SLC41A2: variants seen among roughly 807,000 people sequenced by gnomAD.
The protein encoded by SLC41A2 is solute carrier family 41 member 2.
SLC41A2 carries 32 observed loss-of-function variants against 58.3 expected under a neutral mutation model. The observed-to-expected ratio is 0.55, with a 90% CI of 0.41 to 0.74. The LOEUF (loss-of-function observed/expected upper bound fraction) is 0.74, where lower values mean the gene tolerates loss of function less well. SLC41A2 is among the 30% of genes least tolerant of loss of function. SLC41A2 has a pLI of 0.00. For synonymous variants in SLC41A2, 190 were observed against 235.0 expected, an observed-to-expected ratio of 0.81 and a Z score of 1.75; for missense variants, 514 against 680.6, an observed-to-expected ratio of 0.76 and a Z score of 2.72.
rs1379674948 is a variant in SLC41A2, at chr12:104,803,847, C to G, written c.*1305G>C. On this transcript the variant is annotated 3_prime_UTR_variant, in exon 11 of 11. Coordinates refer to ENST00000258538, the MANE Select transcript of SLC41A2 (RefSeq NM_001352171.3). Reference sequence around the variant, plus strand: ...AATAATTGAGGTAACCCACCAACTTCTTTTTTAAAAGCGTAAGTCAACGGG... The same window carrying G: ...AATAATTGAGGTAACCCACCAACTTGTTTTTTAAAAGCGTAAGTCAACGGG... 1 of 152,020 alleles carries G rather than the reference C, an allele frequency of 6.6e-6. No individual in the cohort carries two copies. The highest frequency in any genetic ancestry group is 1.5e-5 in the Non-Finnish European group (1 of 68,008). The allele number at this position is 152,020 out of a possible 1,614,324, so 9.4% of individuals were successfully genotyped here. A position where few individuals can be genotyped will look rare whatever the true frequency, so the allele number is the denominator to read the frequency against.
intron 10 of SLC41A2, among the ~76,000 whole-genome samples, chr12:104,828,200 A>C (rs1426929849): frequency 1.3e-5 from 2 of 152,184 alleles, no homozygotes; most frequent in African/African-American, 2.4e-5. Context: ...GCATGCTGGC[A>C]GGCCATCGAC....
At chr12:104,946,964 C>T (rs1325451617) in intron 1 of SLC41A2, among the ~76,000 whole-genome samples, 1 of 152,162 alleles carries the variant, frequency 6.6e-6, no homozygotes, top group Non-Finnish European at 1.5e-5. Context: ...ATCTCCTTCA[C>T]TGGTTTATGG....
intron 2 of SLC41A2, among the ~76,000 whole-genome samples, chr12:104,927,154 AT>A (rs2046876267): frequency 6.6e-6 from 1 of 152,162 alleles, no homozygotes; most frequent in Admixed American, 6.5e-5. Context: ...ATTGATACAA[AT>A]TTTTTGGAAT....
At chr12:104,826,460 G>C (rs1219261807) in intron 10 of SLC41A2, among the ~76,000 whole-genome samples, 2 of 152,168 alleles carry the variant, frequency 1.3e-5, no homozygotes, top group East Asian at 3.9e-4. Flanking sequence ...TCTCAGGAAG[G>C]CTGCAAGTGG....
chr12:104,956,679 CAAATAAATAAAT>C (rs150289339), intron 1 of SLC41A2, among the ~76,000 whole-genome samples: 2 of 151,058 alleles, frequency 1.3e-5, no homozygotes, highest in African/African-American at 2.4e-5. Flanking sequence ...AGTCAGTCTC[CAAATAAATAAAT>C]AAATAAATAA....
intron 1 of SLC41A2, among the ~76,000 whole-genome samples, chr12:104,940,657 C>G (rs1176611703): frequency 2.7e-5 from 4 of 150,690 alleles, no homozygotes; most frequent in Non-Finnish European, 5.9e-5. Context: ...GTAGTTCACA[C>G]CTATAATCCC....
intron 1 of SLC41A2, among the ~76,000 whole-genome samples, chr12:104,948,506 T>C (rs1312479737): frequency 1.3e-5 from 2 of 152,006 alleles, no homozygotes; most frequent in Non-Finnish European, 2.9e-5. Context: ...TTATCTTTTG[T>C]AAAAAAAACC....
chr12:104,826,508 C>G (rs545723093), intron 10 of SLC41A2, among the ~76,000 whole-genome samples: 1 of 152,104 alleles, frequency 6.6e-6, no homozygotes. Flanking sequence ...CCCAGAGGCA[C>G]CCCCAGCAGA....
At chr12:104,915,733 C>G (rs1300042702) in intron 2 of SLC41A2, among the ~76,000 whole-genome samples, 2 of 152,136 alleles carry the variant, frequency 1.3e-5, no homozygotes, top group Non-Finnish European at 2.9e-5. Flanking sequence ...AATTTGACTT[C>G]CTCTTTTCCT....
intron 4 of SLC41A2, among the ~76,000 whole-genome samples, chr12:104,893,204 G>A (rs1168816125): frequency 1.3e-5 from 2 of 152,076 alleles, no homozygotes; most frequent in Non-Finnish European, 2.9e-5. Flanking sequence ...GATCTGAATA[G>A]GCATTTCTCA....
intron 1 of SLC41A2, among the ~76,000 whole-genome samples, chr12:104,947,005 T>A (rs530294449): frequency 6.6e-6 from 1 of 152,126 alleles, no homozygotes; most frequent in Non-Finnish European, 1.5e-5. Flanking sequence ...ACATATAAAG[T>A]GCTTAGAACA....
chr12:104,844,014 A>C (rs1485577544), intron 10 of SLC41A2, among the ~76,000 whole-genome samples: 2 of 152,168 alleles, frequency 1.3e-5, no homozygotes, highest in Non-Finnish European at 2.9e-5. Context: ...GATAAATGTT[A>C]TCTCTTCAAA....
chr12:104,861,210 CCCTAAGACTTCTAATAGTA>C lies in SLC41A2; in HGVS notation c.1255+62_1255+80del. 7 of 997,024 alleles carry C rather than the reference CCCTAAGACTTCTAATAGTA, an allele frequency of 7.0e-6. No homozygotes were observed. In the South Asian group the frequency reaches 1.0e-4, roughly 14 times the overall value. 61.8% of individuals were successfully genotyped at this position (997,024 alleles called of 1,614,324 possible). ...GGAGGACAGACCTCTTGAATCTGAGCCCTAAGACTTCTAATAGTACCTAAGACTAAGAGGATACGAAGAT... is the reference window on the plus strand; with the variant it reads ...GGAGGACAGACCTCTTGAATCTGAGCCCTAAGACTAAGAGGATACGAAGAT... On this transcript the variant is annotated intron_variant, in intron 8 of 10. Transcript: ENST00000258538.
chr12:104,857,338 T>G (rs542751870), intron 8 of SLC41A2, among the ~76,000 whole-genome samples: 1 of 152,194 alleles, frequency 6.6e-6, no homozygotes, highest in Non-Finnish European at 1.5e-5. Flanking sequence ...TATGTTAGCA[T>G]GATAAAGGCT....
At chr12:104,921,380 G>GAA (rs1437353218) in intron 2 of SLC41A2, among the ~76,000 whole-genome samples, 1 of 151,472 alleles carries the variant, frequency 6.6e-6, no homozygotes, top group Non-Finnish European at 1.5e-5. Context: ...AGCAGCAAGA[G>GAA]AAAAAGAAGA....
rs74922074 is a variant in SLC41A2 at position 104,832,370 on chromosome 12, G to A, written c.1536+12102C>T. ...TGCAGAGTTATTAAGCCAATTCAAG[G>A]ATATGACTCCCCAGTACCCTTGGAT... On this transcript the variant is annotated intron_variant, in intron 10 of 10. Transcript: ENST00000258538. 5.9e-3 allele frequency among the ~76,000 whole-genome samples: 896 copies of A among 152,238 alleles called. 17 individuals are homozygous for A. Among genetic ancestry groups the A allele is most frequent in the African/African-American group, 0.02 (842 of 41,546 alleles).
At chr12:104,954,330 C>G (rs2048067079) in intron 1 of SLC41A2, among the ~76,000 whole-genome samples, 1 of 152,128 alleles carries the variant, frequency 6.6e-6, no homozygotes, top group Non-Finnish European at 1.5e-5. Flanking sequence ...TATTTTTAAG[C>G]TAAATAAATC....
intron 1 of SLC41A2, among the ~76,000 whole-genome samples, chr12:104,946,613 A>C (rs1169501960): frequency 6.6e-6 from 1 of 152,128 alleles, no homozygotes; most frequent in East Asian, 1.9e-4. Flanking sequence ...TGCTTATTTA[A>C]AGTTGTATTA....
At chr12:104,883,799 G>T (rs1277180919) in intron 6 of SLC41A2, among the ~76,000 whole-genome samples, 1 of 152,216 alleles carries the variant, frequency 6.6e-6, no homozygotes, top group Non-Finnish European at 1.5e-5. Context: ...GGGGGTCAGG[G>T]ACCCACTTGA....
Sources: gnomAD v4.1 joint callset for allele counts (sites outside exome capture counted in the v4.1 genomes callset) on GRCh38, gnomAD v4.1.1 for gene constraint, MANE v1.5 for transcripts, NCBI Gene and HGNC (gene_info 2026-07-23, HGNC 2026-07-21) for gene names.